The following DCC variants were observed in gnomAD, a reference collection of about 807,000 sequenced individuals.
DCC encodes the protein netrin receptor DCC.
DCC carries 58 observed loss-of-function variants against 172.5 expected under a neutral mutation model. That is an observed-to-expected ratio of 0.34 (90% CI 0.27 to 0.42). DCC has a LOEUF of 0.42. Ranked by LOEUF, DCC falls within the 10% of genes least tolerant of loss-of-function variation. The pLI is 1.00. For missense variants in DCC, 1,740 were observed against 1,791.0 expected (o/e 0.97, Z 0.51); for synonymous variants, 709 against 644.5 (o/e 1.10, Z -1.52).
In DCC at chr18:52,560,174, C is replaced by T. The variant is rs560129437; in HGVS notation, c.92-191880C>T. The stretch of plus-strand genomic sequence containing the variant: ...AATTGTATATATTTCTGGCTGTGGG[C>T]GCATGATCTCTGTTGCAACTACTCA... On this transcript the variant is annotated intron_variant, in intron 1 of 28. Transcript: ENST00000442544. Among the ~76,000 whole-genome samples the T allele has an allele frequency of 1.3e-3, 203 of 152,196 alleles. 1 individual carries two copies. The highest frequency in any genetic ancestry group is 4.8e-3 in the African/African-American group (200 of 41,538).
chr18:53,068,038 A>G (rs1228438962), intron 7 of DCC, among the ~76,000 whole-genome samples: 1 of 152,208 alleles, frequency 6.6e-6, no homozygotes, highest in East Asian at 1.9e-4. Context: ...TGAGTCAAGA[A>G]GCTAAAGGAA....
At chr18:53,396,940 A>G (rs1408028611) in intron 17 of DCC, among the ~76,000 whole-genome samples, 1 of 152,068 alleles carries the variant, frequency 6.6e-6, no homozygotes, top group Non-Finnish European at 1.5e-5. Flanking sequence ...TAACTTTGAA[A>G]AAAGATATGT....
chr18:53,208,528 C>T (rs931793439), intron 11 of DCC, among the ~76,000 whole-genome samples: 1 of 151,880 alleles, frequency 6.6e-6, no homozygotes, highest in Non-Finnish European at 1.5e-5. Flanking sequence ...CCTATATTTA[C>T]CTCTTAATTA....
chr18:52,986,314 T>A (rs1457260887), intron 5 of DCC, among the ~76,000 whole-genome samples: 1 of 152,174 alleles, frequency 6.6e-6, no homozygotes, highest in African/African-American at 2.4e-5. Context: ...GAAATCTTAT[T>A]GGTAATGATG....
At chr18:52,884,149 T>A (rs1230560963) in intron 2 of DCC, among the ~76,000 whole-genome samples, 2 of 152,082 alleles carry the variant, frequency 1.3e-5, no homozygotes, top group Admixed American at 6.6e-5. Context: ...TCCTTGATCT[T>A]TGGGAGTTTG....
At chr18:53,318,870 A>T (rs182978835) in intron 13 of DCC, among the ~76,000 whole-genome samples, 2 of 152,074 alleles carry the variant, frequency 1.3e-5, no homozygotes, top group Non-Finnish European at 2.9e-5. Flanking sequence ...GAGGAAGGTC[A>T]AGTTATCCAC....
rs191346187 is a variant in DCC, at chr18:53,114,698, G to C, written c.1262-42658G>C. ...ACATGCAGATCAGCCACGTTGGACTGAATTGCTCCTACACAGAATAACTGA... is the reference window on the plus strand; with the variant it reads ...ACATGCAGATCAGCCACGTTGGACTCAATTGCTCCTACACAGAATAACTGA... On this transcript the variant is annotated intron_variant, in intron 7 of 28. Transcript: ENST00000442544. Among the ~76,000 whole-genome samples the C allele has an allele frequency of 7.9e-3, 1,192 of 151,674 alleles. 16 individuals are homozygous for C. Among genetic ancestry groups the C allele is most frequent in the Non-Finnish European group, 0.011 (745 of 67,668 alleles).
chr18:52,409,154 T>C (rs1362673434), intron 1 of DCC: 1 of 152,262 alleles, frequency 6.6e-6, no homozygotes, highest in East Asian at 1.9e-4. Flanking sequence ...TTTCCTGGAC[T>C]GTTGGGATGT....
At chr18:53,133,608 T>C (rs1309380288) in intron 7 of DCC, among the ~76,000 whole-genome samples, 1 of 152,190 alleles carries the variant, frequency 6.6e-6, no homozygotes, top group Non-Finnish European at 1.5e-5. Context: ...CATGGGCCAC[T>C]CACATTTCAT....
intron 2 of DCC, among the ~76,000 whole-genome samples, chr18:52,904,139 A>G (rs1598914768): frequency 6.6e-6 from 1 of 152,206 alleles, no homozygotes; most frequent in East Asian, 1.9e-4. Context: ...TCAGATGAGT[A>G]ATTTTAGAAT....
At chr18:53,047,276 ATATATATATATAATTT>A (rs2042256587) in intron 5 of DCC, among the ~76,000 whole-genome samples, 8 of 32,048 alleles carry the variant, frequency 2.5e-4, no homozygotes, top group African/African-American at 1.0e-3. Context: ...ATATATATAT[ATATATATATATAATTT>A]TATATATATA....
chr18:52,482,573 G>A (rs1016665679), intron 1 of DCC, among the ~76,000 whole-genome samples: 6 of 152,114 alleles, frequency 3.9e-5, no homozygotes, highest in African/African-American at 1.4e-4. Context: ...GGTAGAAAGG[G>A]AGCAAGAAAG....
In DCC at chr18:52,610,155, A is replaced by T. The variant is rs1482354221; in HGVS notation, c.92-141899A>T. 7.4e-3 allele frequency among the ~76,000 whole-genome samples: 52 copies of T among 7,000 alleles called. 1 individual carries two copies. Among genetic ancestry groups the T allele is most frequent in the Non-Finnish European group, 9.7e-3 (41 of 4,220 alleles). The allele number at this position is 7,000 out of a possible 152,430, so 4.6% of individuals were successfully genotyped here. ...ATGGCAAAACCCCATCTCTCATAAA[A>T]AAAAAAAAAAAAAAAAAAAAAAAAT... On this transcript the variant is annotated intron_variant, in intron 1 of 28. Coordinates refer to ENST00000442544, the MANE Select transcript of DCC (RefSeq NM_005215.4).
At chr18:52,366,083 A>AT (rs914388636) in intron 1 of DCC, among the ~76,000 whole-genome samples, 4 of 152,098 alleles carry the variant, frequency 2.6e-5, no homozygotes, top group African/African-American at 9.7e-5. Flanking sequence ...AATGCCTATC[A>AT]TTTTTACGTA....
intron 2 of DCC, among the ~76,000 whole-genome samples, chr18:52,752,817 A>G (rs113656558): frequency 6.5e-4 from 99 of 152,166 alleles, no homozygotes; most frequent in African/African-American, 2.3e-3. Context: ...TGACTTTTTT[A>G]TAATAGATTC....
chr18:53,435,009 A>T, intron 21 of DCC, 135 bp from the exon 22 acceptor site: 1 of 740,268 alleles, frequency 1.4e-6, no homozygotes, highest in Non-Finnish European at 2.4e-6. Flanking sequence ...GTGTAAGGGT[A>T]TGAGAGTTGT....
At chr18:53,259,309 T>C (rs1052694732) in intron 12 of DCC, among the ~76,000 whole-genome samples, 14 of 152,232 alleles carry the variant, frequency 9.2e-5, no homozygotes, top group Admixed American at 2.6e-4. Context: ...CTAACCTTGA[T>C]GGTCTTTACA....
At chr18:53,412,928 G>A (rs1434674133) in intron 20 of DCC, among the ~76,000 whole-genome samples, 1 of 152,164 alleles carries the variant, frequency 6.6e-6, no homozygotes, top group African/African-American at 2.4e-5. Flanking sequence ...TCTTTGGAAT[G>A]TTAATTAAAA....
chr18:52,886,811 TA>T (rs149954550), intron 2 of DCC, among the ~76,000 whole-genome samples: 1,596 of 152,328 alleles, frequency 0.01, 12 homozygotes, highest in Middle Eastern at 0.017. Context: ...AGTTGGTTGT[TA>T]AAATTTGGTG....
Sources: gnomAD v4.1 joint callset for allele counts (sites outside exome capture counted in the v4.1 genomes callset) on GRCh38, gnomAD v4.1.1 for gene constraint, MANE v1.5 for transcripts, NCBI Gene and HGNC (gene_info 2026-07-23, HGNC 2026-07-21) for gene names.